SRSF4: variants seen among roughly 807,000 people sequenced by gnomAD.
SRSF4 encodes the protein serine/arginine-rich splicing factor 4.
A neutral mutation model predicts 48.8 loss-of-function variants in SRSF4; 12 were observed. That is an observed-to-expected ratio of 0.25 (90% CI 0.16 to 0.40). The LOEUF is 0.40. Among genes scored for constraint, SRSF4 ranks in the 10% least tolerant of loss-of-function variants. SRSF4 has a pLI of 1.00. For missense variants in SRSF4, 466 were observed against 667.1 expected, an observed-to-expected ratio of 0.70 and a Z score of 3.32; for synonymous variants, 248 against 232.5, an observed-to-expected ratio of 1.07 and a Z score of -0.61.
chr1:29,163,027 A>T (rs1338790177), intron 1 of SRSF4, among the ~76,000 whole-genome samples: 1 of 152,230 alleles, frequency 6.6e-6, no homozygotes, highest in Non-Finnish European at 1.5e-5. Context: ...AAGCAGTGAC[A>T]ATCTGTTCAG....
At chr1:29,155,435 C>CA (rs1558387974) in intron 3 of SRSF4, among the ~76,000 whole-genome samples, 3 of 151,700 alleles carry the variant, frequency 2.0e-5, no homozygotes, top group South Asian at 4.2e-4. Flanking sequence ...TACCTCAAAA[C>CA]AAAAAAATAA....
At chr1:29,180,302 ACCCGCC>A (rs1672935567) in intron 1 of SRSF4, among the ~76,000 whole-genome samples, 1 of 151,744 alleles carries the variant, frequency 6.6e-6, no homozygotes, top group Admixed American at 6.6e-5. Flanking sequence ...AATAACGTCT[ACCCGCC>A]ACTTCAATAT....
At chr1:29,166,303 TA>T (rs1256769033) in intron 1 of SRSF4, among the ~76,000 whole-genome samples, 2 of 152,224 alleles carry the variant, frequency 1.3e-5, no homozygotes, top group Non-Finnish European at 2.9e-5. Context: ...AGGACAGTAC[TA>T]AAAAAACGGT....
At chr1:29,154,138 C>T (rs1226983026) in intron 4 of SRSF4, among the ~76,000 whole-genome samples, 1 of 152,156 alleles carries the variant, frequency 6.6e-6, no homozygotes, top group African/African-American at 2.4e-5. Context: ...ACTGCAACCT[C>T]TGCCCCTACT....
chr1:29,152,917 C>T (rs1486322253), intron 4 of SRSF4, among the ~76,000 whole-genome samples: 6 of 98,076 alleles, frequency 6.1e-5, no homozygotes, highest in Non-Finnish European at 1.4e-4. Context: ...AAAGAAACTC[C>T]GTCTCAAAAA....
chr1:29,149,151 C>T lies in SRSF4; in HGVS notation c.744G>A (p.Arg248=). 1 of 1,607,478 alleles carries T rather than the reference C, an allele frequency of 6.2e-7. No individual in the cohort carries two copies. The highest frequency in any genetic ancestry group is 1.7e-4 in the Middle Eastern group (1 of 5,876). Residue 248 remains arginine (R), a synonymous_variant, in exon 6 of 6, where the codon AGG becomes AGA. Coordinates refer to ENST00000373795, the MANE Select transcript of SRSF4 (RefSeq NM_005626.5). ...SRSRSKKEKS[R]SPSKEKSRSR... ...TGCGGCTCTTTTCCTTGCTGGGGCT[C>T]CTGCTTTTCTCTTTCTTGCTCCGGC...
rs957135536 is a variant in SRSF4, at chr1:29,176,348, T to C, written c.107+5298A>G. On this transcript the variant is annotated intron_variant, in intron 1 of 5. Coordinates refer to ENST00000373795, the MANE Select transcript of SRSF4 (RefSeq NM_005626.5). ...TTTTTCTTTTGTCACTCATTAGTTA[T>C]AGCATTATCATAAAAATGATAAAGC... 4.6e-5 allele frequency among the ~76,000 whole-genome samples: 7 copies of C among 152,162 alleles called. No individual in the cohort carries two copies. The South Asian group carries it at 6.2e-4, about 13-fold the overall frequency.
chr1:29,172,078 C>T (rs1672752383), intron 1 of SRSF4: 1 of 151,850 alleles, frequency 6.6e-6, no homozygotes, highest in South Asian at 2.1e-4. Context: ...ATTAAATTCC[C>T]CATATATTGG....
At chr1:29,162,242 C>T (rs1378105857) in intron 1 of SRSF4, among the ~76,000 whole-genome samples, 1 of 152,118 alleles carries the variant, frequency 6.6e-6, no homozygotes, top group Non-Finnish European at 1.5e-5. Context: ...AATTGCTGAG[C>T]AGCTTAATAA....
At chr1:29,169,042 G>A (rs568389229) in intron 1 of SRSF4, 1 of 152,210 alleles carries the variant, frequency 6.6e-6, no homozygotes, top group Admixed American at 6.5e-5. Context: ...TTAACATGCA[G>A]CCCACTAGGA....
chr1:29,173,695 C>G (rs1431170690), intron 1 of SRSF4, among the ~76,000 whole-genome samples: 1 of 149,776 alleles, frequency 6.7e-6, no homozygotes, highest in East Asian at 2.0e-4. Context: ...GTGATCCGCC[C>G]ACCTCAGCTT....
chr1:29,180,350 AAGG>A (rs960385442), intron 1 of SRSF4, among the ~76,000 whole-genome samples: 11 of 152,228 alleles, frequency 7.2e-5, no homozygotes, highest in African/African-American at 1.4e-4. Context: ...TACTGTAGAA[AAGG>A]AGTAGTTTTT....
chr1:29,150,155 T>G lies in SRSF4; in HGVS notation c.616A>C (p.Ser206Arg). The G allele has an allele frequency of 6.2e-7, 1 of 1,614,060 alleles. No individual in the cohort carries two copies. The highest frequency in any genetic ancestry group is 8.5e-7 in the Non-Finnish European group (1 of 1,179,980). The change falls in exon 5 of 6, where the codon AGC becomes CGC. Residue 206 changes from serine (S) to arginine (R), a missense_variant. By Grantham distance (110) the Ser-to-Arg change is moderately radical. Transcript: ENST00000373795. ...SRSRHSRKSR[S>R]RSGSSKSSHS... Reference sequence around the variant, plus strand: ...CTGCTTTTGCTGCTGCCACTTCGGCTTCTGCTCTTACGGGAATGTCTGCTT... The same window carrying G: ...CTGCTTTTGCTGCTGCCACTTCGGCGTCTGCTCTTACGGGAATGTCTGCTT...
chr1:29,174,406 C>T (rs551088874), intron 1 of SRSF4, among the ~76,000 whole-genome samples: 11 of 152,164 alleles, frequency 7.2e-5, no homozygotes, highest in African/African-American at 2.2e-4. Context: ...CAGTATTATA[C>T]ATGCATAAAA....
intron 4 of SRSF4, among the ~76,000 whole-genome samples, chr1:29,151,370 G>C (rs1000828560): frequency 3.9e-5 from 6 of 152,140 alleles, no homozygotes; most frequent in Non-Finnish European, 7.3e-5. Context: ...GGTGGCTCAC[G>C]CCTGTAATCC....
intron 1 of SRSF4, among the ~76,000 whole-genome samples, chr1:29,176,854 C>T (rs1672863869): frequency 6.6e-6 from 1 of 152,248 alleles, no homozygotes. Flanking sequence ...CATGATTTCA[C>T]TGTTCCATGA....
chr1:29,159,588 A>G (rs1049558651), intron 2 of SRSF4, 102 bp from the exon 3 acceptor site: 8 of 662,138 alleles, frequency 1.2e-5, no homozygotes, highest in Non-Finnish European at 2.0e-5. Context: ...CCCCCACCCC[A>G]AACAATAGCA....
At chr1:29,177,893 A>ATTTTTTTTTT (rs397979781) in intron 1 of SRSF4, among the ~76,000 whole-genome samples, 2 of 93,636 alleles carry the variant, frequency 2.1e-5, no homozygotes, top group East Asian at 2.8e-4. Context: ...ATTACACAAG[A>ATTTTTTTTTT]TTTTTTTTTT....
chr1:29,166,106 C>CG (rs1351674792), intron 1 of SRSF4: 1 of 152,106 alleles, frequency 6.6e-6, no homozygotes, highest in Admixed American at 6.6e-5. Flanking sequence ...AGTTAACCCA[C>CG]GGGGTGGCTT....
Sources: allele counts gnomAD v4.1 joint callset (sites outside exome capture counted in the v4.1 genomes callset), GRCh38; gene constraint gnomAD v4.1.1; transcripts MANE v1.5; gene names NCBI Gene and HGNC (gene_info 2026-07-23, HGNC 2026-07-21).